Variants in PPP2R5C observed in about 807,000 individuals in gnomAD.
The protein encoded by PPP2R5C is protein phosphatase 2 regulatory subunit B'gamma.
A neutral mutation model predicts 68.9 loss-of-function variants in PPP2R5C; 7 were observed. The ratio of observed to expected loss-of-function variants is 0.10; its 90% CI spans 0.06 to 0.19. The LOEUF is 0.19. PPP2R5C is among the 10% of genes least tolerant of loss of function. PPP2R5C has a pLI of 1.00. For synonymous variants in PPP2R5C, 210 were observed against 222.2 expected (o/e 0.95, Z 0.49); for missense variants, 348 against 641.3 (o/e 0.54, Z 4.94).
At position 101,906,457 on chromosome 14, in the gene PPP2R5C, G is replaced by C. The variant is rs968307716; in HGVS notation, c.1079G>C (p.Ser360Thr). The change falls in exon 10 of 14, where the codon AGT (serine) becomes ACT (threonine). Residue 360 changes from serine (S) to threonine (T), a missense_variant. By Grantham distance (58) the Ser-to-Thr change is moderately conservative. Around this residue, in one of 4 missense-constraint regions of PPP2R5C, gnomAD observed 101 missense variants for 209.8 expected, o/e 0.48. Coordinates refer to ENST00000334743, the Ensembl canonical transcript of PPP2R5C. This position sits in a 1 kb window ranked among gnomAD's most constrained non-coding sequence, Gnocchi z 4.0. The stretch of plus-strand genomic sequence containing the variant: ...AATGAATACATCATGAGTTTAATCA[G>C]TGACAACGCAGCGAAGATTCTGCCC... 1.2e-5 allele frequency: 20 copies of C among 1,613,512 alleles called. No individual in the cohort carries two copies. Among genetic ancestry groups the C allele is most frequent in the African/African-American group, 2.7e-5 (2 of 75,022 alleles).
chr14:101,807,197 CAT>C (rs1401641482), upstream of PPP2R5C, among the ~76,000 whole-genome samples: 1 of 152,106 alleles, frequency 6.6e-6, no homozygotes, highest in Non-Finnish European at 1.5e-5. Context: ...CTTTTTTCTG[CAT>C]ATAGTTAATC....
Position 101,793,692 on chromosome 14 carries a change from A to G in PPP2R5C, c.259+7509A>G, listed in dbSNP as rs114995710. Among the ~76,000 whole-genome samples, 590 of 152,344 alleles carry G rather than the reference A, an allele frequency of 3.9e-3. 8 individuals carry two copies. The highest frequency in any genetic ancestry group is 0.013 in the African/African-American group (558 of 41,590). Reference sequence around the variant, plus strand: ...AGTGTTAACAGCTCAGTGGAGGGTCAGTGGGACAACCTTTTACACCCATAC... The same window carrying G: ...AGTGTTAACAGCTCAGTGGAGGGTCGGTGGGACAACCTTTTACACCCATAC... On this transcript the variant is annotated intron_variant, in intron 3 of 14. Transcript: ENST00000328724.
intron 1 of PPP2R5C, among the ~76,000 whole-genome samples, chr14:101,842,952 A>G (rs2140437215): frequency 6.6e-6 from 1 of 152,146 alleles, no homozygotes; most frequent in African/African-American, 2.4e-5. Flanking sequence ...TGGGCTGGGC[A>G]CAGTGGCTCA....
In PPP2R5C at chr14:101,835,083, C is replaced by A. The variant is rs994483981; in HGVS notation, c.95-21603C>A. 3.3e-5 allele frequency among the ~76,000 whole-genome samples: 5 copies of A among 152,198 alleles called. No homozygotes were observed. The highest frequency in any genetic ancestry group is 1.2e-4 in the African/African-American group (5 of 41,436). On this transcript the variant is annotated intron_variant, in intron 1 of 13. Coordinates refer to ENST00000334743, the Ensembl canonical transcript of PPP2R5C. This position sits in a 1 kb window ranked among gnomAD's most constrained non-coding sequence, Gnocchi z 5.0. ...AGGAAAAAAAAAATGCAGCCTGTGT[C>A]TTCAGGGACTGGGAGTCTCTGATTC...
In PPP2R5C at chr14:101,825,268, T is replaced by C. The variant is rs114724677; in HGVS notation, c.94+15232T>C. Among the ~76,000 whole-genome samples, 1,036 of 149,252 alleles carry C rather than the reference T, an allele frequency of 6.9e-3. 9 individuals are homozygous for C. Among genetic ancestry groups the C allele is most frequent in the African/African-American group, 0.024 (984 of 40,254 alleles). On this transcript the variant is annotated intron_variant, in intron 1 of 13. Transcript: ENST00000334743. This position sits in a 1 kb window ranked among gnomAD's most constrained non-coding sequence, Gnocchi z 4.0. The stretch of plus-strand genomic sequence containing the variant: ...TGTGTGTTGATGAATTTATTACTTA[T>C]TAAAAAAATGTAAAGAAGGCATAGC...
At chr14:101,868,505 C>A (rs932629251) in intron 2 of PPP2R5C, among the ~76,000 whole-genome samples, 8 of 152,126 alleles carry the variant, frequency 5.3e-5, no homozygotes, top group African/African-American at 1.9e-4. Flanking sequence ...TGCTGAGAAA[C>A]TTTTGGGATG....
At chr14:101,895,943 C>T (rs1222911721) in intron 8 of PPP2R5C, among the ~76,000 whole-genome samples, 1 of 152,196 alleles carries the variant, frequency 6.6e-6, no homozygotes, top group Non-Finnish European at 1.5e-5. Flanking sequence ...CAGCAATGCA[C>T]AAAGGCTCCC....
intron 2 of PPP2R5C, among the ~76,000 whole-genome samples, chr14:101,871,079 A>G (rs1018589316): frequency 6.6e-6 from 1 of 152,160 alleles, no homozygotes; most frequent in Non-Finnish European, 1.5e-5. Context: ...TCTCACCTTA[A>G]TATAGCCATT....
Position 101,913,450 on chromosome 14 carries a change from A to G in PPP2R5C, c.1326+977A>G, listed in dbSNP as rs1566966535. Among the ~76,000 whole-genome samples the G allele has an allele frequency of 6.6e-6, 1 of 152,236 alleles. No homozygotes were observed. The highest frequency in any genetic ancestry group is 2.4e-5 in the African/African-American group (1 of 41,464). ...GTTTGTATACTCTGATAAAACTGCA[A>G]TCAGGAAACTCAAATCAGGAAAACG... On this transcript the variant is annotated intron_variant, in intron 12 of 13. Coordinates refer to ENST00000334743, the Ensembl canonical transcript of PPP2R5C. This position sits in a 1 kb window ranked among gnomAD's most constrained non-coding sequence, Gnocchi z 4.1.
chr14:101,926,176 C>G (rs2047282558), exon 14 of PPP2R5C: 1 of 152,202 alleles, frequency 6.6e-6, no homozygotes, highest in South Asian at 2.1e-4. Context: ...AGAGCAAAAT[C>G]ATTTTGAGTT....
chr14:101,925,303 G>A (rs1484922591), exon 14 of PPP2R5C: 3 of 1,607,888 alleles, frequency 1.9e-6, no homozygotes, highest in South Asian at 1.1e-5. Context: ...GGCCGGGCCC[G>A]CCAGTTCTTT....
At chr14:101,924,512 G>A (rs1339775610) in intron 13 of PPP2R5C, among the ~76,000 whole-genome samples, 1 of 143,540 alleles carries the variant, frequency 7.0e-6, no homozygotes, top group Non-Finnish European at 1.5e-5. Context: ...GTGCAATCTC[G>A]GCTCACTGCA....
chr14:101,831,924 T>C (rs1345264504), intron 1 of PPP2R5C: 1 of 556,000 alleles, frequency 1.8e-6, no homozygotes, highest in Non-Finnish European at 3.3e-6. Context: ...AGCAATATTA[T>C]GATACAGCTT....
intron 5 of PPP2R5C, 127 bp downstream of exon 7, chr14:101,883,689 T>A (rs1373511159): frequency 3.9e-6 from 5 of 1,285,750 alleles, no homozygotes; most frequent in Non-Finnish European, 5.4e-6. Context: ...AAAGCCTATT[T>A]GTCATGTGCA....
At chr14:101,881,887 G>A (rs994943119) in intron 2 of PPP2R5C, among the ~76,000 whole-genome samples, 39 of 152,306 alleles carry the variant, frequency 2.6e-4, no homozygotes, top group African/African-American at 8.9e-4. Flanking sequence ...ATCAGCCTTT[G>A]TTGGTGTTGG....
intron 3 of PPP2R5C, among the ~76,000 whole-genome samples, chr14:101,791,342 C>G (rs1472922876): frequency 1.3e-5 from 2 of 152,062 alleles, no homozygotes; most frequent in Non-Finnish European, 2.9e-5. Flanking sequence ...TGTCTCTCTT[C>G]TTTGATGAGA....
chr14:101,760,762 C>A, upstream of PPP2R5C: 5 of 219,332 alleles, frequency 2.3e-5, no homozygotes, highest in Non-Finnish European at 2.6e-5. Flanking sequence ...AGGGGCTGGT[C>A]GAGGGGAGGG....
intron 1 of PPP2R5C, among the ~76,000 whole-genome samples, chr14:101,827,610 A>T (rs935353914): frequency 2.6e-5 from 4 of 152,204 alleles, no homozygotes; most frequent in Admixed American, 2.0e-4. Context: ...GCTGATTCTT[A>T]AAATAGATTT....
chr14:101,905,495 C>T (rs1259761761), intron 9 of PPP2R5C, among the ~76,000 whole-genome samples: 1 of 151,616 alleles, frequency 6.6e-6, no homozygotes, highest in African/African-American at 2.4e-5. Context: ...CCTGTCTCCA[C>T]TAAAAATACA....
Sources: gnomAD v4.1 joint callset for allele counts (sites outside exome capture counted in the v4.1 genomes callset) on GRCh38, gnomAD v4.1.1 for gene constraint, gnomAD v4.1.1 regional missense constraint, Gnocchi (gnomAD v3.1) non-coding constraint, MANE v1.5 for transcripts, NCBI Gene and HGNC (gene_info 2026-07-23, HGNC 2026-07-21) for gene names.